The following EARS2 variants were observed in gnomAD, a reference collection of about 807,000 sequenced individuals.
EARS2 encodes the protein nondiscriminating glutamyl-tRNA synthetase EARS2, mitochondrial.
Under a neutral mutation model 54.1 loss-of-function variants are expected in EARS2, and 50 were observed. The observed-to-expected ratio is 0.92, with a 90% CI of 0.74 to 1.17. The LOEUF is 1.17. Among genes scored for constraint, EARS2 ranks in the 50% most tolerant of loss-of-function variants. The pLI is 0.00. For missense variants in EARS2, 673 were observed against 675.0 expected (o/e 1.00, Z 0.03); for synonymous variants, 298 against 281.0 (o/e 1.06, Z -0.61).
chr16:23,525,436 A>T lies in EARS2; in HGVS notation c.1353-57T>A, dbSNP rs1965211018. On this transcript the variant is annotated intron_variant, in intron 7 of 8. Transcript: ENST00000449606. Reference sequence around the variant, plus strand: ...CATGGGCCAATGGCAAGTGGGTGGGAGGAAGGGCTTCAGAAGGTTATTGAT... The same window carrying T: ...CATGGGCCAATGGCAAGTGGGTGGGTGGAAGGGCTTCAGAAGGTTATTGAT... 7.7e-6 allele frequency: 12 copies of T among 1,559,256 alleles called. No homozygotes were observed. The Admixed American group carries it at 2.3e-4, about 29-fold the overall frequency.
At chr16:23,535,774 T>C (rs1597014190) in intron 3 of EARS2, among the ~76,000 whole-genome samples, 1 of 152,140 alleles carries the variant, frequency 6.6e-6, no homozygotes, top group East Asian at 1.9e-4. Context: ...GAAAGGTTTT[T>C]CTCTCCAAAG....
chr16:23,525,298 G>C lies in EARS2; in HGVS notation c.1434C>G (p.Gly478=), dbSNP rs919025990. ...ELKKLSEGLE[G]TKYSNVMKLL... ...GTTTCATCACATTACTGTACTTGGTGCCTTCCAGACCTTCTGATAGCTTCT... is the reference window on the plus strand; with the variant it reads ...GTTTCATCACATTACTGTACTTGGTCCCTTCCAGACCTTCTGATAGCTTCT... Residue 478 remains glycine, a synonymous_variant, in exon 8 of 9, where the codon GGC becomes GGG. Coordinates refer to ENST00000449606, the MANE Select transcript of EARS2 (RefSeq NM_001083614.2). 3.1e-6 allele frequency: 5 copies of C among 1,614,108 alleles called. No individual in the cohort carries two copies. Among genetic ancestry groups the C allele is most frequent in the Admixed American group, 1.7e-5 (1 of 60,006 alleles).
At chr16:23,541,459 A>G (rs555284830) in intron 3 of EARS2, among the ~76,000 whole-genome samples, 133 of 152,358 alleles carry the variant, frequency 8.7e-4, no homozygotes, top group Non-Finnish European at 1.7e-3. Flanking sequence ...CTGATATCTG[A>G]TCCTCAAGAT....
At chr16:23,556,116 T>C (rs925070085) in intron 1 of EARS2, among the ~76,000 whole-genome samples, 30 of 152,218 alleles carry the variant, frequency 2.0e-4, no homozygotes, top group African/African-American at 6.5e-4. Flanking sequence ...AGAAAGATCC[T>C]GTCATGTATA....
At chr16:23,551,371 T>C (rs949663731) in intron 2 of EARS2, among the ~76,000 whole-genome samples, 1 of 152,170 alleles carries the variant, frequency 6.6e-6, no homozygotes. Context: ...ATCCCAGCTC[T>C]TTGGGAGGCT....
chr16:23,536,414 G>A (rs914866769), intron 3 of EARS2, among the ~76,000 whole-genome samples: 11 of 152,072 alleles, frequency 7.2e-5, no homozygotes, highest in Admixed American at 7.2e-4. Flanking sequence ...AGACCAGCGT[G>A]GGTAACATAG....
chr16:23,547,503 T>C (rs1356755668), intron 2 of EARS2, among the ~76,000 whole-genome samples: 1 of 152,162 alleles, frequency 6.6e-6, no homozygotes, highest in African/African-American at 2.4e-5. Context: ...ATGTGAATTA[T>C]ATGTCATTTT....
chr16:23,546,297 G>C (rs765560889), intron 2 of EARS2: 1 of 430,928 alleles, frequency 2.3e-6, no homozygotes. Context: ...GCTTTCAAAG[G>C]AATTGGGAAG....
At chr16:23,529,391 C>T in intron 7 of EARS2, 111 bp downstream of exon 7, 1 of 1,376,612 alleles carries the variant, frequency 7.3e-7, no homozygotes, top group Non-Finnish European at 9.9e-7. Context: ...TCTTCACTGG[C>T]CATGGAGTTG....
intron 8 of EARS2, 92 bp from the exon 9 acceptor site, chr16:23,524,546 C>A: frequency 9.2e-7 from 1 of 1,092,644 alleles, no homozygotes; most frequent in Non-Finnish European, 1.4e-6. Context: ...ATTCCCAGGC[C>A]AGCCCCCACA....
At chr16:23,533,907 T>C (rs886585785) in intron 4 of EARS2, among the ~76,000 whole-genome samples, 24 of 151,962 alleles carry the variant, frequency 1.6e-4, no homozygotes, top group African/African-American at 5.6e-4. Flanking sequence ...AATACAAAAA[T>C]TAGCCAAGCG....
At chr16:23,545,529 C>T (rs978661017) in intron 2 of EARS2, among the ~76,000 whole-genome samples, 17 of 152,338 alleles carry the variant, frequency 1.1e-4, no homozygotes, top group African/African-American at 4.1e-4. Context: ...TATTCCCCCA[C>T]TCTGTGAGGA....
intron 7 of EARS2, among the ~76,000 whole-genome samples, chr16:23,526,972 T>A (rs199906783): frequency 6.6e-6 from 1 of 151,104 alleles, no homozygotes; most frequent in Admixed American, 6.6e-5. Context: ...AATTAATTAT[T>A]TTTTTTTTAA....
intron 8 of EARS2, among the ~76,000 whole-genome samples, 153 bp from the exon 9 acceptor site, chr16:23,524,607 G>A (rs1343135582): frequency 2.0e-5 from 3 of 151,176 alleles, no homozygotes; most frequent in African/African-American, 7.3e-5. Context: ...CCTGGAAAAG[G>A]ATGGGTCCTA....
At chr16:23,528,365 C>T (rs982611442) in intron 7 of EARS2, among the ~76,000 whole-genome samples, 4 of 152,128 alleles carry the variant, frequency 2.6e-5, no homozygotes, top group Non-Finnish European at 5.9e-5. Flanking sequence ...AGCAGGCTGC[C>T]GAGGAGCTGA....
intron 2 of EARS2, chr16:23,545,231 G>A (rs184580932): frequency 2.0e-5 from 3 of 152,710 alleles, no homozygotes; most frequent in East Asian, 1.9e-4. Flanking sequence ...GCAAACGGAG[G>A]TGTACGGGCT....
At chr16:23,528,162 C>A (rs1439601317) in intron 7 of EARS2, among the ~76,000 whole-genome samples, 2 of 152,236 alleles carry the variant, frequency 1.3e-5, no homozygotes, top group Non-Finnish European at 2.9e-5. Flanking sequence ...GCCTCTAGAT[C>A]TGTGAGAAAT....
chr16:23,542,205 G>A (rs111801201), intron 3 of EARS2, among the ~76,000 whole-genome samples: 3 of 151,974 alleles, frequency 2.0e-5, no homozygotes, highest in Admixed American at 2.0e-4. Context: ...TGTTGGCCAG[G>A]CTGGTCTCGA....
chr16:23,530,944 T>G lies in EARS2; in HGVS notation c.1068-1047A>C, dbSNP rs150843490. Among the ~76,000 whole-genome samples the G allele has an allele frequency of 5.6e-3, 844 of 150,274 alleles. 9 individuals carry two copies. Among genetic ancestry groups the G allele is most frequent in the African/African-American group, 0.02 (799 of 40,888 alleles). On this transcript the variant is annotated intron_variant, in intron 5 of 8. Transcript: ENST00000449606. Reference sequence around the variant, plus strand: ...TTCACTCTTGTTGCCCAGGCTGGAGTGCAATGGTGTGATTTCGGCTCACTG... The same window carrying G: ...TTCACTCTTGTTGCCCAGGCTGGAGGGCAATGGTGTGATTTCGGCTCACTG...
Sources: allele counts gnomAD v4.1 joint callset (sites outside exome capture counted in the v4.1 genomes callset), GRCh38; gene constraint gnomAD v4.1.1; transcripts MANE v1.5; gene names NCBI Gene and HGNC (gene_info 2026-07-23, HGNC 2026-07-21).